The following CCDC3 variants were observed in gnomAD, a reference collection of about 807,000 sequenced individuals.
CCDC3 encodes coiled-coil domain-containing protein 3.
CCDC3 carries 24 observed loss-of-function variants against 21.4 expected under a neutral mutation model. The observed-to-expected ratio is 1.12, with a 90% CI of 0.81 to 1.58. CCDC3 has a LOEUF of 1.58. CCDC3 is among the 40% of genes most tolerant of loss of function. CCDC3 has a pLI of 0.00. For synonymous variants in CCDC3, 186 were observed against 166.0 expected (o/e 1.12, Z -0.93); for missense variants, 425 against 360.9 (o/e 1.18, Z -1.44).
At chr10:12,950,032 A>G (rs1589018412) in intron 2 of CCDC3, among the ~76,000 whole-genome samples, 1 of 151,778 alleles carries the variant, frequency 6.6e-6, no homozygotes, top group Non-Finnish European at 1.5e-5. Context: ...GCCCATCATC[A>G]CCTCCTGTGC....
At chr10:12,907,636 T>C (rs1232621957) in intron 2 of CCDC3, among the ~76,000 whole-genome samples, 2 of 151,116 alleles carry the variant, frequency 1.3e-5, no homozygotes, top group African/African-American at 4.8e-5. Flanking sequence ...AGAGCAAGAC[T>C]CTGTCTCAAA....
intron 2 of CCDC3, among the ~76,000 whole-genome samples, chr10:12,937,540 G>A (rs116888875): frequency 0.014 from 2,159 of 152,192 alleles, 21 homozygotes; most frequent in Middle Eastern, 0.051. Flanking sequence ...ATAGCTCACT[G>A]CAGCCTCGAC....
intron 3 of CCDC3, among the ~76,000 whole-genome samples, chr10:13,085,497 T>C (rs1431580221): frequency 6.6e-6 from 1 of 152,244 alleles, no homozygotes; most frequent in Non-Finnish European, 1.5e-5. Context: ...CAGGAAGCAC[T>C]GAAATCCGTG....
intron 4 of CCDC3, among the ~76,000 whole-genome samples, chr10:13,070,586 A>C (rs1836870304): frequency 6.6e-6 from 1 of 152,194 alleles, no homozygotes; most frequent in African/African-American, 2.4e-5. Flanking sequence ...CCCAGGGACC[A>C]TATCTCTTGA....
chr10:13,039,112 T>A (rs1836416733), intron 5 of CCDC3, among the ~76,000 whole-genome samples: 1 of 152,158 alleles, frequency 6.6e-6, no homozygotes, highest in Admixed American at 6.6e-5. Flanking sequence ...CATCTATCCA[T>A]CCCTCTTCTA....
intron 4 of CCDC3, among the ~76,000 whole-genome samples, chr10:13,068,602 G>T (rs2083383): frequency 0.19 from 29,002 of 151,990 alleles, 3,466 homozygotes; most frequent in East Asian, 0.29. Flanking sequence ...GCCTTTTTTG[G>T]TTTTTGTGAA....
intron 2 of CCDC3, among the ~76,000 whole-genome samples, chr10:12,957,360 A>G (rs1433337842): frequency 1.3e-5 from 2 of 152,232 alleles, no homozygotes; most frequent in Non-Finnish European, 2.9e-5. Context: ...AACGAAATCT[A>G]TCTTTACCAA....
intron 2 of CCDC3, among the ~76,000 whole-genome samples, chr10:12,977,314 A>G (rs1049483991): frequency 2.0e-5 from 3 of 152,058 alleles, no homozygotes; most frequent in African/African-American, 7.2e-5. Flanking sequence ...GGGAAAGGAA[A>G]GGAAAGGAAG....
In CCDC3 at chr10:12,997,824, T is replaced by C. The variant is rs151141473; in HGVS notation, c.549+514A>G. Among the ~76,000 whole-genome samples, 472 of 152,298 alleles carry C rather than the reference T, an allele frequency of 3.1e-3. 2 individuals carry two copies. Among genetic ancestry groups the C allele is most frequent in the African/African-American group, 0.011 (441 of 41,552 alleles). ...ATCATATTGCATTAGCCCTCTGACA[T>C]AGATCAGGGGTGTCCAATCTTTTGG... On this transcript the variant is annotated intron_variant, in intron 2 of 2. Coordinates refer to ENST00000378825, the MANE Select transcript of CCDC3 (RefSeq NM_031455.4).
chr10:13,004,275 CACT>C (rs1771905795), upstream of CCDC3, among the ~76,000 whole-genome samples: 1 of 69,132 alleles, frequency 1.4e-5, no homozygotes, highest in South Asian at 3.9e-4. Context: ...ATTAAGTCTT[CACT>C]AAACTGTTAC....
intron 2 of CCDC3, among the ~76,000 whole-genome samples, chr10:12,935,843 C>T (rs1191629500): frequency 6.6e-6 from 1 of 152,032 alleles, no homozygotes; most frequent in East Asian, 1.9e-4. Flanking sequence ...CCCAAGTACA[C>T]TTTCAAGTAA....
chr10:12,996,393 T>C (rs997150111), intron 2 of CCDC3, among the ~76,000 whole-genome samples: 3 of 152,128 alleles, frequency 2.0e-5, no homozygotes, highest in African/African-American at 7.2e-5. Flanking sequence ...TGGAGTGCAA[T>C]GGTGTGATCT....
In CCDC3 at chr10:12,989,534, G is replaced by A. The variant is rs908387248; in HGVS notation, c.549+8804C>T. Among the ~76,000 whole-genome samples the A allele has an allele frequency of 3.9e-5, 6 of 152,154 alleles. No homozygotes were observed. In the East Asian group the frequency reaches 9.6e-4, roughly 24 times the overall value. On this transcript the variant is annotated intron_variant, in intron 2 of 2. Transcript: ENST00000378825. The stretch of plus-strand genomic sequence containing the variant: ...CCTCCCGGGTTCAAGCGACTCTCAT[G>A]CCTCAGCCTCCTGAGTAGCTGGGAT...
rs553782385 is a variant in CCDC3, at chr10:12,898,608, C to T, written c.621G>A (p.Val207=). The T allele has an allele frequency of 6.2e-6, 10 of 1,614,218 alleles. No individual in the cohort carries two copies. The highest frequency in any genetic ancestry group is 4.0e-5 in the African/African-American group (3 of 75,076). ...GCCGGTTGCGCTTCTCCAGGGTGGC[C>T]ACTTTCTGCTGCAGTTTCTTGACGT... The part of the protein sequence containing the change: ...EDHVKKLQQK[V]ATLEKRNRQL... Residue 207 remains valine, a synonymous_variant, in exon 3 of 3, where the codon GTG becomes GTA. Coordinates refer to ENST00000378825, the MANE Select transcript of CCDC3 (RefSeq NM_031455.4).
rs142160841 is a variant in CCDC3, at chr10:12,998,061, C to G, written c.549+277G>C. On this transcript the variant is annotated intron_variant, in intron 2 of 2. Transcript: ENST00000378825. ...TGTCCCTGTTCTGTAGAAGAGGAAACTGAGGCTCAGCATGCCAATCTTCAT... is the reference window on the plus strand; with the variant it reads ...TGTCCCTGTTCTGTAGAAGAGGAAAGTGAGGCTCAGCATGCCAATCTTCAT... Among the ~76,000 whole-genome samples, 7 of 152,292 alleles carry G rather than the reference C, an allele frequency of 4.6e-5. No homozygotes were observed. In the East Asian group the frequency reaches 1.4e-3, roughly 29 times the overall value.
chr10:12,994,353 G>A (rs7075446), intron 2 of CCDC3, among the ~76,000 whole-genome samples: 9,381 of 150,738 alleles, frequency 0.062, 990 homozygotes, highest in African/African-American at 0.22. Flanking sequence ...AGCCGAGATT[G>A]CATCACTGCA....
intron 5 of CCDC3, among the ~76,000 whole-genome samples, chr10:13,025,200 G>A (rs540503529): frequency 6.6e-6 from 1 of 152,290 alleles, no homozygotes; most frequent in Admixed American, 6.5e-5. Context: ...AATTGGTACT[G>A]GATGCTGGTT....
In CCDC3 at chr10:12,925,996, A is replaced by G. The variant is rs542519729; in HGVS notation, c.550-27317T>C. Among the ~76,000 whole-genome samples the G allele has an allele frequency of 2.6e-5, 4 of 152,368 alleles. No individual in the cohort carries two copies. The South Asian group carries it at 8.3e-4, about 32-fold the overall frequency. On this transcript the variant is annotated intron_variant, in intron 2 of 2. Coordinates refer to ENST00000378825, the MANE Select transcript of CCDC3 (RefSeq NM_031455.4). The stretch of plus-strand genomic sequence containing the variant: ...GCAGAATTTGTAGGGGCAGTTGGGT[A>G]CTTGAGATGCTATGCCCAAGAGCAG...
chr10:13,084,269 T>C (rs1057010495), intron 3 of CCDC3, among the ~76,000 whole-genome samples: 3 of 147,616 alleles, frequency 2.0e-5, no homozygotes, highest in African/African-American at 7.6e-5. Flanking sequence ...CTTTCACCAC[T>C]CTACCTTCTT....
Sources: gnomAD v4.1 joint callset for allele counts (sites outside exome capture counted in the v4.1 genomes callset) on GRCh38, gnomAD v4.1.1 for gene constraint, MANE v1.5 for transcripts, NCBI Gene and HGNC (gene_info 2026-07-23, HGNC 2026-07-21) for gene names.